PLEKHA5: variants seen among roughly 807,000 people sequenced by gnomAD.
PLEKHA5 encodes the protein pleckstrin homology domain-containing family A member 5.
PLEKHA5 carries 55 observed loss-of-function variants against 181.9 expected under a neutral mutation model. That is an observed-to-expected ratio of 0.30 (90% CI 0.24 to 0.38). PLEKHA5 has a LOEUF of 0.38. PLEKHA5 is among the 10% of genes least tolerant of loss of function. The probability of loss-of-function intolerance (pLI) is 1.00; values close to 1 mark genes in which losing one functional copy is unlikely to be tolerated. For missense variants in PLEKHA5, 1,432 were observed against 1,549.5 expected, an observed-to-expected ratio of 0.92 and a Z score of 1.27; for synonymous variants, 535 against 529.4, an observed-to-expected ratio of 1.01 and a Z score of -0.15.
At chr12:19,230,350 C>T (rs1420576218) in intron 3 of PLEKHA5, among the ~76,000 whole-genome samples, 3 of 152,336 alleles carry the variant, frequency 2.0e-5, no homozygotes, top group East Asian at 3.9e-4. Context: ...CAGTCCCATG[C>T]CGTGCGCCCG....
chr12:19,158,135 G>A (rs1341895694), intron 3 of PLEKHA5, among the ~76,000 whole-genome samples: 3 of 152,016 alleles, frequency 2.0e-5, no homozygotes, highest in East Asian at 1.9e-4. Context: ...GATGGATCAC[G>A]AGGTCAGGAG....
At chr12:19,176,387 C>T (rs2047233429) in intron 3 of PLEKHA5, 1 of 151,686 alleles carries the variant, frequency 6.6e-6, no homozygotes, top group Non-Finnish European at 1.5e-5. Flanking sequence ...TTGACCTGCT[C>T]TGTTTCCAGT....
At position 19,146,709 on chromosome 12, in the gene PLEKHA5, A is replaced by G. The variant is rs527778664; in HGVS notation, c.227+14259A>G. On this transcript the variant is annotated intron_variant, in intron 3 of 31. Coordinates refer to ENST00000429027, the MANE Select transcript of PLEKHA5 (RefSeq NM_001256470.2). The stretch of plus-strand genomic sequence containing the variant: ...TTAGGCAGTTAGGAGTTCAGAACAT[A>G]ATATACCTTAGACCAGTTAGAGTTG... Among the ~76,000 whole-genome samples the G allele has an allele frequency of 1.6e-3, 243 of 152,250 alleles. 1 individual carries two copies. Among genetic ancestry groups the G allele is most frequent in the African/African-American group, 5.4e-3 (225 of 41,552 alleles).
intron 2 of PLEKHA5, among the ~76,000 whole-genome samples, chr12:19,131,224 G>A (rs370407906): frequency 6.6e-6 from 1 of 152,058 alleles, no homozygotes; most frequent in Non-Finnish European, 1.5e-5. Context: ...ACATTCTCTC[G>A]GACTCTGACA....
chr12:19,335,313 G>A (rs2093331700), intron 20 of PLEKHA5, among the ~76,000 whole-genome samples: 1 of 151,758 alleles, frequency 6.6e-6, no homozygotes, highest in African/African-American at 2.4e-5. Context: ...GATTATAGGC[G>A]AGAACCACCA....
intron 3 of PLEKHA5, among the ~76,000 whole-genome samples, chr12:19,167,405 A>ATTTTTTTTTTTTTTTTTTTTTTTTTTT (rs56086557): frequency 1.6e-4 from 15 of 91,230 alleles, no homozygotes; most frequent in South Asian, 5.0e-4. Flanking sequence ...CTGAGGCTTA[A>ATTTTTTTTTTTTTTTTTTTTTTTTTTT]TTTTTTTTTT....
chr12:19,332,145 A>T (rs2092908395), intron 20 of PLEKHA5, among the ~76,000 whole-genome samples: 2 of 151,844 alleles, frequency 1.3e-5, no homozygotes, highest in African/African-American at 4.8e-5. Context: ...ATGGTGGTGC[A>T]AACCTGTAGT....
At chr12:19,261,971 G>C (rs7965144) in intron 7 of PLEKHA5, among the ~76,000 whole-genome samples, 27,342 of 152,056 alleles carry the variant, frequency 0.18, 2,524 homozygotes, top group African/African-American at 0.25. Flanking sequence ...TTAACCAACC[G>C]TATAAAATTG....
At chr12:19,315,298 C>CA (rs1451156203) in intron 16 of PLEKHA5, among the ~76,000 whole-genome samples, 1 of 152,102 alleles carries the variant, frequency 6.6e-6, no homozygotes, top group African/African-American at 2.4e-5. Flanking sequence ...CAACTTCCCC[C>CA]AACCTAGTGT....
chr12:19,264,743 G>A lies in PLEKHA5; in HGVS notation c.611-1007G>A, dbSNP rs1039230752. ...CACCAGATACTCTGGAAATGAGGGC[G>A]AAATAAATAAAATCCCATGTTAAGT... On this transcript the variant is annotated intron_variant, in intron 7 of 31. Coordinates refer to ENST00000429027, the MANE Select transcript of PLEKHA5 (RefSeq NM_001256470.2). Among the ~76,000 whole-genome samples the A allele has an allele frequency of 4.6e-5, 7 of 151,764 alleles. No individual in the cohort carries two copies. The South Asian group carries it at 1.0e-3, about 23-fold the overall frequency.
intron 3 of PLEKHA5, among the ~76,000 whole-genome samples, chr12:19,170,330 T>C (rs977958464): frequency 6.6e-6 from 1 of 152,178 alleles, no homozygotes; most frequent in Admixed American, 6.5e-5. Flanking sequence ...TCCGCAGATA[T>C]TTTGTGTATA....
chr12:19,139,723 C>T (rs1282090067), intron 3 of PLEKHA5, among the ~76,000 whole-genome samples: 2 of 152,134 alleles, frequency 1.3e-5, no homozygotes, highest in African/African-American at 2.4e-5. Context: ...GGCCTTAGCC[C>T]GTTGTGGGGG....
chr12:19,319,991 A>C (rs1012503542), intron 16 of PLEKHA5, 30 bp from the exon 17 acceptor site: 27 of 1,344,098 alleles, frequency 2.0e-5, no homozygotes, highest in Non-Finnish European at 2.5e-5. Flanking sequence ...TTTTCAATTA[A>C]ACCCATCCTT....
intron 14 of PLEKHA5, 88 bp downstream of exon 14, chr12:19,290,884 G>A (rs1378045528): frequency 8.2e-7 from 1 of 1,215,758 alleles, no homozygotes; most frequent in African/African-American, 1.5e-5. Flanking sequence ...CATCATTAGT[G>A]TTGAGCATGA....
chr12:19,149,861 T>C (rs1484473123), intron 3 of PLEKHA5: 1 of 152,222 alleles, frequency 6.6e-6, no homozygotes, highest in Non-Finnish European at 1.5e-5. Context: ...TGGGACAGTG[T>C]CACTTTTACT....
intron 3 of PLEKHA5, among the ~76,000 whole-genome samples, chr12:19,192,862 C>T (rs1288565503): frequency 2.6e-5 from 4 of 152,260 alleles, no homozygotes; most frequent in Admixed American, 2.0e-4. Context: ...TTAACTAATA[C>T]TTTCGATTAG....
intron 3 of PLEKHA5, chr12:19,200,271 A>G: frequency 3.8e-6 from 5 of 1,308,070 alleles, no homozygotes; most frequent in Non-Finnish European, 5.3e-6. Flanking sequence ...ATTATGTACC[A>G]ATAAAAAAAA....
chr12:19,141,083 C>T (rs562340484), intron 3 of PLEKHA5, among the ~76,000 whole-genome samples: 6 of 152,240 alleles, frequency 3.9e-5, no homozygotes, highest in Admixed American at 6.5e-5. Flanking sequence ...CATGAGCCAC[C>T]GTGCCCAGCC....
At chr12:19,324,663 A>G (rs1241928925) in intron 20 of PLEKHA5, among the ~76,000 whole-genome samples, 1 of 152,218 alleles carries the variant, frequency 6.6e-6, no homozygotes, top group East Asian at 1.9e-4. Flanking sequence ...TTTGGATACA[A>G]TGAGAAGAGA....
Sources: gnomAD v4.1 joint callset for allele counts (sites outside exome capture counted in the v4.1 genomes callset) on GRCh38, gnomAD v4.1.1 for gene constraint, MANE v1.5 for transcripts, NCBI Gene and HGNC (gene_info 2026-07-23, HGNC 2026-07-21) for gene names.